The following KCNN2 variants were observed in gnomAD, a reference collection of about 807,000 sequenced individuals.
The protein encoded by KCNN2 is small conductance calcium-activated potassium channel protein 2.
KCNN2 carries 24 observed loss-of-function variants against 55.5 expected under a neutral mutation model. That is an observed-to-expected ratio of 0.43 (90% CI 0.31 to 0.61). The LOEUF (loss-of-function observed/expected upper bound fraction) is 0.61, where lower values mean the gene tolerates loss of function less well. KCNN2 is among the 20% of genes least tolerant of loss of function. The pLI is 0.08. For synonymous variants in KCNN2, 431 were observed against 336.1 expected, an observed-to-expected ratio of 1.28 and a Z score of -3.09; for missense variants, 754 against 853.6, an observed-to-expected ratio of 0.88 and a Z score of 1.45.
At chr5:114,060,188 C>T (rs1561458199) in intron 1 of KCNN2, among the ~76,000 whole-genome samples, 1 of 152,218 alleles carries the variant, frequency 6.6e-6, no homozygotes, top group African/African-American at 2.4e-5. Context: ...TTTCCAATAC[C>T]TCTGCAATGC....
chr5:114,354,131 T>G (rs1757258374), intron 2 of KCNN2, among the ~76,000 whole-genome samples: 1 of 152,052 alleles, frequency 6.6e-6, no homozygotes. Flanking sequence ...TCTCTGTTCT[T>G]CAGATTGCAT....
chr5:114,322,911 A>G (rs900194617), intron 2 of KCNN2, among the ~76,000 whole-genome samples: 10 of 152,314 alleles, frequency 6.6e-5, no homozygotes, highest in Middle Eastern at 3.4e-3. Flanking sequence ...TCACCCAGGT[A>G]TTAAGCCCAA....
In KCNN2 at chr5:114,362,995, A is replaced by G. The variant is rs1478491476; in HGVS notation, c.856A>G (p.Asn286Asp). ...GATCGTGGTGTCTAAGCCCGAGCACAACAACTCCAACAACCTGGCGCTCTA... is the reference window on the plus strand; with the variant it reads ...GATCGTGGTGTCTAAGCCCGAGCACGACAACTCCAACAACCTGGCGCTCTA... ...PEIVVSKPEH[N>D]NSNNLALYGT... Residue 286 changes from asparagine to aspartate, a missense_variant, in exon 1 of 8, where the codon AAC becomes GAC. Around this residue, in one of 4 missense-constraint regions of KCNN2, gnomAD observed 381 missense variants for 259.1 expected, o/e 1.47. Coordinates refer to ENST00000673685, the MANE Select transcript of KCNN2 (RefSeq NM_021614.4). 1.3e-6 allele frequency: 2 copies of G among 1,593,636 alleles called. No homozygotes were observed. Among genetic ancestry groups the G allele is most frequent in the Non-Finnish European group, 1.7e-6 (2 of 1,174,642 alleles).
At chr5:114,247,608 A>C (rs1297895870) in intron 2 of KCNN2, among the ~76,000 whole-genome samples, 1 of 152,210 alleles carries the variant, frequency 6.6e-6, no homozygotes, top group African/African-American at 2.4e-5. Flanking sequence ...TATAAAGAAT[A>C]GTTAACTTGC....
intron 2 of KCNN2, among the ~76,000 whole-genome samples, chr5:114,245,181 A>G (rs909528301): frequency 6.6e-6 from 1 of 152,230 alleles, no homozygotes; most frequent in Non-Finnish European, 1.5e-5. Flanking sequence ...CAAATATCCC[A>G]TAGTAAAAGC....
At chr5:114,063,997 C>T (rs1750385972) in intron 1 of KCNN2, among the ~76,000 whole-genome samples, 3 of 152,174 alleles carry the variant, frequency 2.0e-5, no homozygotes. Context: ...TTTCTCACAA[C>T]TTATGGTGGA....
At chr5:114,297,370 G>A (rs540263515) in intron 2 of KCNN2, among the ~76,000 whole-genome samples, 6 of 151,994 alleles carry the variant, frequency 3.9e-5, no homozygotes, top group Admixed American at 1.3e-4. Flanking sequence ...AAATATAAAA[G>A]CAAATCAAAG....
chr5:114,174,299 G>T (rs1753096805), intron 1 of KCNN2, among the ~76,000 whole-genome samples: 1 of 152,098 alleles, frequency 6.6e-6, no homozygotes, highest in Non-Finnish European at 1.5e-5. Context: ...AACGCAGAAA[G>T]TGTTTCTGAA....
chr5:114,324,395 C>G (rs781434652), intron 2 of KCNN2, among the ~76,000 whole-genome samples: 1 of 152,080 alleles, frequency 6.6e-6, no homozygotes, highest in African/African-American at 2.4e-5. Context: ...AAATAGAGAA[C>G]CTTATTGGCC....
intron 2 of KCNN2, among the ~76,000 whole-genome samples, chr5:114,284,756 G>A (rs983593834): frequency 1.3e-5 from 2 of 151,696 alleles, no homozygotes; most frequent in South Asian, 2.1e-4. Flanking sequence ...CTGACCTGGT[G>A]ATCCACCCGC....
chr5:114,079,040 A>G (rs534205470), intron 1 of KCNN2, among the ~76,000 whole-genome samples: 13 of 152,298 alleles, frequency 8.5e-5, no homozygotes, highest in African/African-American at 3.1e-4. Context: ...TTAATGACCC[A>G]AGTATATTGA....
intron 1 of KCNN2, among the ~76,000 whole-genome samples, chr5:114,170,053 A>T (rs960476083): frequency 2.0e-5 from 3 of 152,066 alleles, no homozygotes; most frequent in African/African-American, 7.2e-5. Context: ...TTATATTGTC[A>T]CTAGGAATAA....
chr5:114,303,903 G>A (rs1380024524), intron 2 of KCNN2, among the ~76,000 whole-genome samples: 1 of 152,160 alleles, frequency 6.6e-6, no homozygotes, highest in Non-Finnish European at 1.5e-5. Context: ...AGAATTTCTG[G>A]AATCAATTCT....
At chr5:114,212,655 T>C (rs1753912590) in intron 1 of KCNN2, among the ~76,000 whole-genome samples, 3 of 151,978 alleles carry the variant, frequency 2.0e-5, no homozygotes, top group Admixed American at 6.6e-5. Flanking sequence ...TCGTGCAAAA[T>C]CTACTAGACA....
intron 2 of KCNN2, among the ~76,000 whole-genome samples, chr5:114,314,234 T>C (rs1756456826): frequency 2.6e-5 from 4 of 152,134 alleles, no homozygotes. Context: ...AGAGTTCCTA[T>C]ATATCACTTC....
intron 2 of KCNN2, among the ~76,000 whole-genome samples, chr5:114,367,906 C>A (rs1757649802): frequency 6.6e-6 from 1 of 152,154 alleles, no homozygotes; most frequent in Non-Finnish European, 1.5e-5. Context: ...TGGACTAGTG[C>A]CTGATCTTTC....
At chr5:114,411,139 A>G (rs1759118488) in intron 3 of KCNN2, among the ~76,000 whole-genome samples, 1 of 152,170 alleles carries the variant, frequency 6.6e-6, no homozygotes, top group Admixed American at 6.5e-5. Context: ...AGAGTCTACT[A>G]TTCAGTGTCT....
intron 2 of KCNN2, among the ~76,000 whole-genome samples, chr5:114,345,846 G>C (rs1011654383): frequency 1.3e-5 from 2 of 152,034 alleles, no homozygotes; most frequent in African/African-American, 2.4e-5. Context: ...AGTGGCACAA[G>C]CTTGGCTCAC....
chr5:114,201,038 C>T (rs1287833798), intron 1 of KCNN2, among the ~76,000 whole-genome samples: 1 of 151,814 alleles, frequency 6.6e-6, no homozygotes, highest in Non-Finnish European at 1.5e-5. Flanking sequence ...AGTGGTGGAC[C>T]CTGTGTGTGA....
Sources: gnomAD v4.1 joint callset for allele counts (sites outside exome capture counted in the v4.1 genomes callset) on GRCh38, gnomAD v4.1.1 for gene constraint, gnomAD v4.1.1 regional missense constraint, MANE v1.5 for transcripts, NCBI Gene and HGNC (gene_info 2026-07-23, HGNC 2026-07-21) for gene names.